Variants in SAG observed in about 807,000 individuals in gnomAD.
SAG encodes the protein S-arrestin.
SAG carries 45 observed loss-of-function variants against 55.0 expected under a neutral mutation model. The observed-to-expected ratio is 0.82, with a 90% CI of 0.64 to 1.05. The LOEUF (loss-of-function observed/expected upper bound fraction) is 1.05. SAG is among the 50% of genes least tolerant of loss of function. The pLI is 0.00. For synonymous variants in SAG, 189 were observed against 197.4 expected, an observed-to-expected ratio of 0.96 and a Z score of 0.36; for missense variants, 455 against 512.1, an observed-to-expected ratio of 0.89 and a Z score of 1.08.
At chr2:233,332,098 T>C in intron 10 of SAG, 1 of 243,762 alleles carries the variant, frequency 4.1e-6, no homozygotes, top group South Asian at 4.9e-5. Context: ...TAGGATTCCC[T>C]ATCTTTTGAT....
chr2:233,346,901 G>T lies in SAG; in HGVS notation c.1207G>T (p.Val403Phe), dbSNP rs1046974. ...AEEGKRDKND[V>F]DE ...GGAGGGGAAGAGAGACAAGAATGAC[G>T]TTGATGAGTGAAGATGTCGGCTCAG... The change falls in exon 16 of 16, where the codon GTT (valine) becomes TTT (phenylalanine). Residue 403 changes from valine to phenylalanine, a missense_variant. Coordinates refer to ENST00000409110, the MANE Select transcript of SAG (RefSeq NM_000541.5). 6.2e-7 allele frequency: 1 copy of T among 1,602,928 alleles called. No individual in the cohort carries two copies. Among genetic ancestry groups the T allele is most frequent in the Non-Finnish European group, 8.5e-7 (1 of 1,171,020 alleles).
intron 4 of SAG, 172 bp downstream of exon 4, chr2:233,318,967 G>A (rs757902694): frequency 2.2e-5 from 16 of 731,270 alleles, no homozygotes; most frequent in South Asian, 8.7e-5. Context: ...CCTAATTCAC[G>A]TGACATAGGT....
chr2:233,338,925 G>C (rs1701018626), intron 12 of SAG, 172 bp downstream of exon 12: 3 of 707,078 alleles, frequency 4.2e-6, no homozygotes, highest in East Asian at 5.4e-5. Flanking sequence ...CCATGCTTCT[G>C]TCTGATAAAA....
At chr2:233,331,449 C>T in intron 9 of SAG, 191 bp from the exon 10 acceptor site, 1 of 645,454 alleles carries the variant, frequency 1.5e-6, no homozygotes, top group Non-Finnish European at 2.8e-6. Context: ...TTATGGGTGA[C>T]CAGAAATGGC....
chr2:233,339,435 T>C (rs574741475), intron 12 of SAG, among the ~76,000 whole-genome samples: 1 of 152,228 alleles, frequency 6.6e-6, no homozygotes, highest in East Asian at 1.9e-4. Context: ...TACTTCTAAG[T>C]AGTAAAGAAT....
intron 3 of SAG, among the ~76,000 whole-genome samples, chr2:233,317,079 C>T (rs182417787): frequency 6.6e-6 from 1 of 152,160 alleles, no homozygotes; most frequent in East Asian, 1.9e-4. Context: ...CCAGGCTGGT[C>T]TTGAACTCCT....
At chr2:233,339,854 G>A (rs1306156646) in intron 12 of SAG, among the ~76,000 whole-genome samples, 1 of 151,834 alleles carries the variant, frequency 6.6e-6, no homozygotes, top group Non-Finnish European at 1.5e-5. Context: ...GTAGAGACGG[G>A]GTTTCACCAT....
At chr2:233,335,216 G>A (rs1037997264) in intron 11 of SAG, 117 bp downstream of exon 11, 3 of 1,329,796 alleles carry the variant, frequency 2.3e-6, no homozygotes, top group Non-Finnish European at 3.1e-6. Flanking sequence ...GTGGTCTGGC[G>A]TGTGTAGTGT....
chr2:233,312,576 C>A (rs1700103721), intron 2 of SAG, among the ~76,000 whole-genome samples: 1 of 152,210 alleles, frequency 6.6e-6, no homozygotes, highest in South Asian at 2.1e-4. Flanking sequence ...AGTCTTTCAT[C>A]CTGCTTAAAA....
intron 11 of SAG, among the ~76,000 whole-genome samples, chr2:233,336,813 CAG>C (rs767238711): frequency 6.6e-6 from 1 of 152,154 alleles, no homozygotes; most frequent in Non-Finnish European, 1.5e-5. Context: ...GAGTTAATCT[CAG>C]CTGGGAGGAG....
rs1206709522 is a variant in SAG at position 233,322,944 on chromosome 2, A to G, written c.376-2A>G. Reference sequence around the variant, plus strand: ...TGATTTTTTATTTGTTTCTTTCCACAGTTTCCTGACTACTTGCCCTGTTCA... The same window carrying G: ...TGATTTTTTATTTGTTTCTTTCCACGGTTTCCTGACTACTTGCCCTGTTCA... On this transcript the variant is annotated splice_acceptor_variant, in intron 5 of 15. Transcript: ENST00000409110. LOFTEE classifies it high-confidence loss of function. The G allele has an allele frequency of 2.6e-5, 40 of 1,551,306 alleles. No individual in the cohort carries two copies. Among genetic ancestry groups the G allele is most frequent in the Middle Eastern group, 1.7e-4 (1 of 5,998 alleles).
chr2:233,346,401 A>C lies in SAG; in HGVS notation c.1103-2A>C, dbSNP rs748204331. On this transcript the variant is annotated splice_acceptor_variant, in intron 14 of 15. Transcript: ENST00000409110. LOFTEE classifies it high-confidence loss of function. ...TGCCTCCCTTTTATTCCATGCTTAC[A>C]GCTAAGGAAAGGTGAGTGAGCCTCT... The C allele has an allele frequency of 2.5e-5, 40 of 1,613,810 alleles. No homozygotes were observed. The South Asian group carries it at 3.8e-4, about 16-fold the overall frequency.
At chr2:233,331,897 C>A in intron 10 of SAG, 185 bp downstream of exon 10, 1 of 612,328 alleles carries the variant, frequency 1.6e-6, no homozygotes, top group East Asian at 2.8e-5. Context: ...CTACCACACC[C>A]CTCTGTGCCC....
chr2:233,310,402 T>C (rs1430060132), intron 2 of SAG, among the ~76,000 whole-genome samples: 1 of 152,168 alleles, frequency 6.6e-6, no homozygotes, highest in Non-Finnish European at 1.5e-5. Context: ...GTGTATTTTA[T>C]GTTTACAGAA....
rs1700296145 is a variant in SAG at position 233,318,976 on chromosome 2, G to T, written c.181+181G>T. 5 of 725,312 alleles carry T rather than the reference G, an allele frequency of 6.9e-6. No homozygotes were observed. The African/African-American group carries it at 6.9e-5, about 10-fold the overall frequency. The allele number at this position is 725,312 out of a possible 1,614,324, so 44.9% of individuals were successfully genotyped here. ...CCTGTACCTAATTCACGTGACATAG[G>T]TCCTGTTGACACCAGAGCTCACTCG... is the stretch of plus-strand genomic sequence containing the variant. On this transcript the variant is annotated intron_variant, in intron 4 of 15. Transcript: ENST00000409110.
rs1559458259 is a variant in SAG at position 233,346,965 on chromosome 2, C to T, written c.*53C>T. 2.0e-6 allele frequency: 2 copies of T among 976,250 alleles called. No individual in the cohort carries two copies. 60.5% of individuals were successfully genotyped at this position (976,250 alleles called of 1,614,324 possible). A position where few individuals can be genotyped will look rare whatever the true frequency, so the allele number is the denominator to read the frequency against. ...GACCTGTAGTTACCAGTGCAACGAGCAAAGCCCCACAGTTTAGTCCTTTGG... is the reference window on the plus strand; with the variant it reads ...GACCTGTAGTTACCAGTGCAACGAGTAAAGCCCCACAGTTTAGTCCTTTGG... On this transcript the variant is annotated 3_prime_UTR_variant, in exon 16 of 16. Coordinates refer to ENST00000409110, the MANE Select transcript of SAG (RefSeq NM_000541.5).
chr2:233,309,932 T>C (rs1261593777), intron 2 of SAG, among the ~76,000 whole-genome samples: 1 of 152,196 alleles, frequency 6.6e-6, no homozygotes. Flanking sequence ...TGGCCTTTTG[T>C]CTATCTATTG....
intron 13 of SAG, among the ~76,000 whole-genome samples, chr2:233,341,494 T>C (rs1701101586): frequency 6.6e-6 from 1 of 152,254 alleles, no homozygotes. Flanking sequence ...TGCAATGGAA[T>C]ATTACTGAGC....
chr2:233,312,870 A>G (rs1053840008), intron 2 of SAG, among the ~76,000 whole-genome samples: 1 of 152,098 alleles, frequency 6.6e-6, no homozygotes, highest in Non-Finnish European at 1.5e-5. Context: ...CCTCCCCACC[A>G]GCCTTTGCCC....
Sources: allele counts gnomAD v4.1 joint callset (sites outside exome capture counted in the v4.1 genomes callset), GRCh38; gene constraint gnomAD v4.1.1; transcripts MANE v1.5; gene names NCBI Gene and HGNC (gene_info 2026-07-23, HGNC 2026-07-21).